The following WWOX variants were observed in gnomAD, a reference collection of about 807,000 sequenced individuals.
The protein encoded by WWOX is WW domain containing oxidoreductase, also known as WW domain-containing oxidoreductase.
WWOX carries 69 observed loss-of-function variants against 46.2 expected under a neutral mutation model. That is an observed-to-expected ratio of 1.49 (90% CI 1.23 to 1.82). The LOEUF (loss-of-function observed/expected upper bound fraction) is 1.82, where lower values mean the gene tolerates loss of function less well. Ranked by LOEUF, WWOX falls within the 40% of genes most tolerant of loss-of-function variation. The pLI is 0.00. For missense variants in WWOX, 919 were observed against 542.6 expected (o/e 1.69, Z -6.89); for synonymous variants, 359 against 202.6 (o/e 1.77, Z -6.56).
intron 8 of WWOX, among the ~76,000 whole-genome samples, chr16:79,031,167 A>G (rs1199072458): frequency 1.3e-5 from 2 of 151,482 alleles, no homozygotes; most frequent in South Asian, 4.2e-4. Flanking sequence ...GCCAACTCTT[A>G]TGATATGCGG....
chr16:79,029,979 G>T (rs906815146), intron 8 of WWOX, among the ~76,000 whole-genome samples: 1 of 152,126 alleles, frequency 6.6e-6, no homozygotes, highest in African/African-American at 2.4e-5. Flanking sequence ...CCTGGTGGTA[G>T]GTAAGCCAAC....
chr16:78,935,584 C>T (rs1224811691), intron 8 of WWOX, among the ~76,000 whole-genome samples: 14 of 145,846 alleles, frequency 9.6e-5, no homozygotes, highest in African/African-American at 3.4e-4. Flanking sequence ...GGAAGGGGAA[C>T]ATCACACACC....
chr16:78,708,798 A>G (rs2142316341), intron 8 of WWOX, among the ~76,000 whole-genome samples: 1 of 152,316 alleles, frequency 6.6e-6, no homozygotes, highest in African/African-American at 2.4e-5. Flanking sequence ...TCCTTGAGGG[A>G]AGAAACCAGG....
chr16:78,783,959 A>T (rs898873694), intron 8 of WWOX, among the ~76,000 whole-genome samples: 2 of 151,752 alleles, frequency 1.3e-5, no homozygotes, highest in African/African-American at 4.8e-5. Context: ...GGTGATGGTG[A>T]TGCTGGTGAT....
At chr16:78,509,867 C>A (rs1285352308) in intron 8 of WWOX, among the ~76,000 whole-genome samples, 1 of 150,718 alleles carries the variant, frequency 6.6e-6, no homozygotes, top group Non-Finnish European at 1.5e-5. Flanking sequence ...GCAGGAGGAT[C>A]ACTTGAGCCT....
chr16:79,010,577 A>G (rs1053640220), intron 8 of WWOX, among the ~76,000 whole-genome samples: 6 of 152,206 alleles, frequency 3.9e-5, no homozygotes, highest in Non-Finnish European at 8.8e-5. Flanking sequence ...CATGAAATAA[A>G]TATATGATAA....
Position 78,284,498 on chromosome 16 carries a change from T to C in WWOX, c.517-102362T>C, listed in dbSNP as rs568608312. Among the ~76,000 whole-genome samples, 5 of 152,340 alleles carry C rather than the reference T, an allele frequency of 3.3e-5. No individual in the cohort carries two copies. In the South Asian group the frequency reaches 1.0e-3, roughly 32 times the overall value. ...CATGGAGCTCAGAGGAAATGTGTTG[T>C]TTGAGATGAACCATCGTTTCAAATG... On this transcript the variant is annotated intron_variant, in intron 5 of 8. Coordinates refer to ENST00000566780, the MANE Select transcript of WWOX (RefSeq NM_016373.4).
chr16:78,442,457 A>C (rs1597091611), intron 8 of WWOX, among the ~76,000 whole-genome samples: 1 of 151,700 alleles, frequency 6.6e-6, no homozygotes, highest in African/African-American at 2.4e-5. Flanking sequence ...CCACTTCCCC[A>C]CTACCAGCCC....
intron 8 of WWOX, among the ~76,000 whole-genome samples, chr16:78,754,954 C>T (rs1384246365): frequency 1.3e-5 from 2 of 149,942 alleles, no homozygotes; most frequent in Non-Finnish European, 1.5e-5. Flanking sequence ...CACAAAGAGC[C>T]AGCCATTTAT....
intron 8 of WWOX, among the ~76,000 whole-genome samples, chr16:78,612,927 C>T (rs568778606): frequency 6.6e-6 from 1 of 152,348 alleles, no homozygotes; most frequent in South Asian, 2.1e-4. Context: ...GTATGTGTCT[C>T]ATTTTTTTCC....
intron 8 of WWOX, among the ~76,000 whole-genome samples, chr16:78,564,634 A>G (rs950815847): frequency 3.3e-5 from 5 of 152,150 alleles, no homozygotes; most frequent in Non-Finnish European, 5.9e-5. Flanking sequence ...TGAACCTCAT[A>G]TCTGAGAATA....
At chr16:78,254,385 G>A (rs1224483560) in intron 5 of WWOX, among the ~76,000 whole-genome samples, 3 of 151,118 alleles carry the variant, frequency 2.0e-5, no homozygotes, top group Non-Finnish European at 4.4e-5. Context: ...ACACCCAGCT[G>A]AATTCTTCTC....
chr16:78,452,486 T>C lies in WWOX; in HGVS notation c.1056+19734T>C, dbSNP rs553347687. Among the ~76,000 whole-genome samples, 10 of 150,086 alleles carry C rather than the reference T, an allele frequency of 6.7e-5. No homozygotes were observed. The South Asian group carries it at 2.1e-3, about 32-fold the overall frequency. On this transcript the variant is annotated intron_variant, in intron 8 of 8. Transcript: ENST00000566780. Reference sequence around the variant, plus strand: ...TTTTCTCTCTCTCTCTTTTTTTTTTTTTTTTTTTGAGACGGAGTCTTATTC... The same window carrying C: ...TTTTCTCTCTCTCTCTTTTTTTTTTCTTTTTTTTGAGACGGAGTCTTATTC...
chr16:78,149,376 A>G (rs192169397), intron 4 of WWOX, among the ~76,000 whole-genome samples: 1 of 152,338 alleles, frequency 6.6e-6, no homozygotes, highest in Non-Finnish European at 1.5e-5. Context: ...TGGACTGGTG[A>G]TCCCATCTCA....
At chr16:78,574,999 T>TTATATATATATATATATATATAAAAA (rs2044814979) in intron 8 of WWOX, among the ~76,000 whole-genome samples, 1 of 37,016 alleles carries the variant, frequency 2.7e-5, no homozygotes, top group Non-Finnish European at 6.0e-5. Context: ...TATTTTTCAA[T>TTATATATATATATATATATATAAAAA]TATATATATA....
intron 6 of WWOX, among the ~76,000 whole-genome samples, chr16:78,394,807 G>C (rs779035115): frequency 1.3e-5 from 2 of 152,232 alleles, no homozygotes; most frequent in Non-Finnish European, 2.9e-5. Flanking sequence ...AGGGGCCATA[G>C]TATGCTACCC....
chr16:78,995,609 T>C (rs549676985), intron 8 of WWOX, among the ~76,000 whole-genome samples: 3 of 151,970 alleles, frequency 2.0e-5, no homozygotes, highest in Admixed American at 6.6e-5. Flanking sequence ...GAGAAAAAAC[T>C]GCAAAACCGC....
chr16:78,429,748 A>G (rs182080376), intron 7 of WWOX, among the ~76,000 whole-genome samples: 99 of 152,340 alleles, frequency 6.5e-4, no homozygotes, highest in Admixed American at 1.6e-3. Flanking sequence ...AGCAAATAAC[A>G]TAACTTACAT....
At chr16:78,941,125 C>T (rs1248978952) in intron 8 of WWOX, among the ~76,000 whole-genome samples, 1 of 152,110 alleles carries the variant, frequency 6.6e-6, no homozygotes, top group Non-Finnish European at 1.5e-5. Flanking sequence ...AGAAAGCGTT[C>T]TTGCAGTTAG....
Sources: allele counts gnomAD v4.1 joint callset (sites outside exome capture counted in the v4.1 genomes callset), GRCh38; gene constraint gnomAD v4.1.1; transcripts MANE v1.5; gene names NCBI Gene and HGNC (gene_info 2026-07-23, HGNC 2026-07-21).